Variants in DIP2C observed in about 807,000 individuals in gnomAD.
DIP2C encodes DIP2 acetate--CoA ligase C (putative).
Under a neutral mutation model 192.4 loss-of-function variants are expected in DIP2C, and 33 were observed. The observed-to-expected ratio is 0.17, with a 90% CI of 0.13 to 0.23. The LOEUF is 0.23. Among genes scored for constraint, DIP2C ranks in the 10% least tolerant of loss-of-function variants. The pLI, the probability that DIP2C is intolerant of heterozygous loss-of-function variation, is 1.00. For synonymous variants in DIP2C, 979 were observed against 864.1 expected (o/e 1.13, Z -2.33); for missense variants, 1,537 against 2,110.1 (o/e 0.73, Z 5.32).
chr10:514,240 G>GT (rs1199564808), intron 1 of DIP2C, among the ~76,000 whole-genome samples: 1 of 151,862 alleles, frequency 6.6e-6, no homozygotes, highest in Non-Finnish European at 1.5e-5. Flanking sequence ...CCAGGAGAGC[G>GT]TATTTACACA....
At chr10:304,911 G>A (rs1432724284) in intron 32 of DIP2C, among the ~76,000 whole-genome samples, 1 of 151,972 alleles carries the variant, frequency 6.6e-6, no homozygotes, top group African/African-American at 2.4e-5. Flanking sequence ...ATGTACTCGT[G>A]TGCACAAATA....
chr10:618,489 C>G (rs993520653), intron 1 of DIP2C, among the ~76,000 whole-genome samples: 1 of 152,198 alleles, frequency 6.6e-6, no homozygotes, highest in Non-Finnish European at 1.5e-5. Flanking sequence ...AGACAGAGCT[C>G]AAGGCACGAG....
At chr10:563,068 A>C (rs1849299623) in intron 1 of DIP2C, among the ~76,000 whole-genome samples, 1 of 152,198 alleles carries the variant, frequency 6.6e-6, no homozygotes, top group Non-Finnish European at 1.5e-5. Context: ...TCTGGGCAGT[A>C]TTGTGTCTTT....
chr10:437,406 T>C (rs1967353980), intron 4 of DIP2C, among the ~76,000 whole-genome samples: 1 of 151,778 alleles, frequency 6.6e-6, no homozygotes, highest in Non-Finnish European at 1.5e-5. Flanking sequence ...GGTGATATGC[T>C]CCGCCCACAC....
chr10:679,454 T>C (rs1352221185), intron 1 of DIP2C, among the ~76,000 whole-genome samples: 5 of 42,602 alleles, frequency 1.2e-4, no homozygotes, highest in African/African-American at 2.9e-4. Context: ...CCAGGCTCCC[T>C]GCACCCGTCC....
chr10:512,286 G>T, intron 1 of DIP2C, among the ~76,000 whole-genome samples: 1 of 152,186 alleles, frequency 6.6e-6, no homozygotes, highest in East Asian at 1.9e-4. Flanking sequence ...TGGGCCAGAT[G>T]TGGTGCTCAC....
chr10:593,485 A>ACC (rs10563749), intron 1 of DIP2C, among the ~76,000 whole-genome samples: 8 of 64,210 alleles, frequency 1.2e-4, no homozygotes, highest in African/African-American at 3.8e-4. Flanking sequence ...CCCACGCGGG[A>ACC]CCCCCCCCCC....
intron 1 of DIP2C, among the ~76,000 whole-genome samples, chr10:582,892 TAGAA>T: frequency 6.6e-6 from 1 of 152,124 alleles, no homozygotes; most frequent in East Asian, 1.9e-4. Flanking sequence ...CTCAAAACAA[TAGAA>T]GGAAGGTACC....
chr10:399,197 T>C lies in DIP2C; in HGVS notation c.1172A>G (p.Asn391Ser), dbSNP rs2133017650. ...AGCCGCCATGAAGGCAGCCGGATCA[T>C]TGTTGGGGAACACCAGTGCCACCTG... ...GDRVALVFPNNDPAAFMAAFY... is the reference protein window; with the variant it reads ...GDRVALVFPNSDPAAFMAAFY... The change falls in exon 10 of 37, where the codon AAT becomes AGT. Residue 391 changes from asparagine (N) to serine (S), a missense_variant. Transcript: ENST00000280886. 6.2e-7 allele frequency: 1 copy of C among 1,614,050 alleles called. No individual in the cohort carries two copies.
chr10:517,053 G>C (rs1846409981), intron 1 of DIP2C, among the ~76,000 whole-genome samples: 1 of 151,808 alleles, frequency 6.6e-6, no homozygotes, highest in East Asian at 1.9e-4. Flanking sequence ...AGAGCACAGA[G>C]GTTCAGGTCT....
At chr10:386,087 G>A (rs1589673478) in intron 14 of DIP2C, among the ~76,000 whole-genome samples, 1 of 152,178 alleles carries the variant, frequency 6.6e-6, no homozygotes, top group African/African-American at 2.4e-5. Context: ...GCCCCGCGAC[G>A]AGGCCTCGAA....
intron 4 of DIP2C, among the ~76,000 whole-genome samples, chr10:425,787 GTTAACC>G (rs1207563673): frequency 6.6e-6 from 1 of 152,238 alleles, no homozygotes; most frequent in African/African-American, 2.4e-5. Context: ...AGAACCGCAT[GTTAACC>G]TTAGGAGACA....
chr10:450,635 C>T (rs376026779), intron 3 of DIP2C, among the ~76,000 whole-genome samples: 9 of 152,234 alleles, frequency 5.9e-5, no homozygotes, highest in African/African-American at 1.2e-4. Flanking sequence ...CAGAGCTCCA[C>T]GCATGAGCAG....
intron 1 of DIP2C, among the ~76,000 whole-genome samples, chr10:602,290 G>GC (rs1852136897): frequency 6.6e-6 from 1 of 152,136 alleles, no homozygotes; most frequent in Non-Finnish European, 1.5e-5. Context: ...ACTTGCACAG[G>GC]CACCTGTGTC....
chr10:678,668 C>CA (rs1395226546), intron 1 of DIP2C, among the ~76,000 whole-genome samples: 9 of 18,318 alleles, frequency 4.9e-4, no homozygotes, highest in Admixed American at 8.2e-4. Flanking sequence ...TCCCTGTGCC[C>CA]AGCTCCCCAC....
intron 24 of DIP2C, among the ~76,000 whole-genome samples, chr10:352,807 G>T (rs575811390): frequency 1.3e-5 from 2 of 152,106 alleles, no homozygotes; most frequent in Admixed American, 6.5e-5. Context: ...GTGGTTGAAC[G>T]GGACACAGCT....
At chr10:347,460 A>G (rs1958544896) in intron 26 of DIP2C, among the ~76,000 whole-genome samples, 1 of 129,652 alleles carries the variant, frequency 7.7e-6, no homozygotes, top group African/African-American at 3.1e-5. Flanking sequence ...CACATCGCGC[A>G]TAGTTCTCCC....
chr10:568,765 C>CAAACAAA (rs1849594225), intron 1 of DIP2C, among the ~76,000 whole-genome samples: 1 of 37,862 alleles, frequency 2.6e-5, no homozygotes, highest in Non-Finnish European at 4.7e-5. Flanking sequence ...AACTCCGTCT[C>CAAACAAA]AAAAAAAAAA....
intron 1 of DIP2C, among the ~76,000 whole-genome samples, chr10:672,336 A>C (rs569389708): frequency 1.5e-4 from 23 of 152,370 alleles, no homozygotes; most frequent in Non-Finnish European, 2.6e-4. Context: ...CGGACGAAGG[A>C]AACAGGCCAG....
Sources: gnomAD v4.1 joint callset for allele counts (sites outside exome capture counted in the v4.1 genomes callset) on GRCh38, gnomAD v4.1.1 for gene constraint, MANE v1.5 for transcripts, NCBI Gene and HGNC (gene_info 2026-07-23, HGNC 2026-07-21) for gene names.